KRT8: variants seen among roughly 807,000 people sequenced by gnomAD.
The protein encoded by KRT8 is keratin 8.
Under a neutral mutation model 43.0 loss-of-function variants are expected in KRT8, and 24 were observed. The ratio of observed to expected loss-of-function variants is 0.56; its 90% CI spans 0.40 to 0.78. The LOEUF (loss-of-function observed/expected upper bound fraction) is 0.78. Among genes scored for constraint, KRT8 ranks in the 30% least tolerant of loss-of-function variants. The probability of loss-of-function intolerance (pLI) is 0.00; values close to 1 mark genes in which losing one functional copy is unlikely to be tolerated. For missense variants in KRT8, 492 were observed against 638.4 expected (o/e 0.77, Z 2.47); for synonymous variants, 214 against 261.2 (o/e 0.82, Z 1.74).
intron 2 of KRT8, among the ~76,000 whole-genome samples, chr12:52,918,740 A>T (rs1941827904): frequency 6.6e-6 from 1 of 151,968 alleles, no homozygotes; most frequent in African/African-American, 2.4e-5. Flanking sequence ...TGTTAGCTTG[A>T]CTCTCACCAA....
chr12:52,920,961 AC>A (rs1219493069), intron 2 of KRT8, among the ~76,000 whole-genome samples: 6 of 152,208 alleles, frequency 3.9e-5, no homozygotes, highest in African/African-American at 1.4e-4. Context: ...AAGACCTGCT[AC>A]CCACCACTCT....
intron 2 of KRT8, among the ~76,000 whole-genome samples, chr12:52,912,638 C>G (rs1482250693): frequency 6.6e-6 from 1 of 152,202 alleles, no homozygotes; most frequent in Non-Finnish European, 1.5e-5. Flanking sequence ...GGTGAAAAGA[C>G]GTGGGCAGGG....
chr12:52,935,790 G>A (rs1942161246), intron 2 of KRT8, among the ~76,000 whole-genome samples: 1 of 151,742 alleles, frequency 6.6e-6, no homozygotes, highest in Non-Finnish European at 1.5e-5. Context: ...TTAACGGTGT[G>A]AACCACCGTG....
At chr12:52,905,156 C>T, upstream of KRT8, 1 of 1,274,700 alleles carries the variant, frequency 7.8e-7, no homozygotes. Context: ...CCAGAGGGGG[C>T]TGGGCCTAAC....
At chr12:52,921,492 C>A (rs561705059) in intron 2 of KRT8, among the ~76,000 whole-genome samples, 1 of 152,170 alleles carries the variant, frequency 6.6e-6, no homozygotes, top group Non-Finnish European at 1.5e-5. Flanking sequence ...ACCCCCAGGC[C>A]CCCATGGCCT....
At chr12:52,898,699 C>A in exon 6 of KRT8, 1 of 1,614,250 alleles carries the variant, frequency 6.2e-7, no homozygotes, top group Non-Finnish European at 8.5e-7. Flanking sequence ...CGCCCTCCAG[C>A]AGCTTCCTGT....
upstream of KRT8, among the ~76,000 whole-genome samples, chr12:52,907,594 C>A (rs374185536): frequency 2.0e-5 from 3 of 152,322 alleles, no homozygotes; most frequent in East Asian, 3.9e-4. Flanking sequence ...TTGCCAGGGA[C>A]CCTGCAGTAT....
At chr12:52,925,892 G>A (rs1941979950) in intron 2 of KRT8, among the ~76,000 whole-genome samples, 1 of 152,092 alleles carries the variant, frequency 6.6e-6, no homozygotes, top group Admixed American at 6.6e-5. Context: ...CTCCCCCTCA[G>A]GGCCCATTAC....
At position 52,917,165 on chromosome 12, in the gene KRT8, G is replaced by A. The variant is rs1333144038; in HGVS notation, c.-46-12138C>T. Among the ~76,000 whole-genome samples, 3 of 152,218 alleles carry A rather than the reference G, an allele frequency of 2.0e-5. No individual in the cohort carries two copies. The East Asian group carries it at 5.8e-4, about 29-fold the overall frequency. On this transcript the variant is annotated intron_variant, in intron 2 of 6. Transcript: ENST00000546826. ...AGCACTTTGGGAGGCTGAGGTGGGT[G>A]GATCACTTGAGGTCAGGCTTTCAAG...
exon 2 of KRT8, chr12:52,949,470 G>T (rs760985349): frequency 3.7e-6 from 6 of 1,613,348 alleles, no homozygotes; most frequent in Non-Finnish European, 1.7e-6. Context: ...ACAGAGTGAG[G>T]AGCCTGGAGA....
At chr12:52,911,187 A>C (rs757165043), upstream of KRT8, among the ~76,000 whole-genome samples, 3 of 152,120 alleles carry the variant, frequency 2.0e-5, no homozygotes, top group Non-Finnish European at 4.4e-5. Context: ...CCCCATTTCT[A>C]CTAAAAATAC....
intron 5 of KRT8, among the ~76,000 whole-genome samples, chr12:52,899,158 C>CA (rs1025014290): frequency 3.0e-4 from 45 of 151,958 alleles, no homozygotes; most frequent in South Asian, 1.9e-3. Flanking sequence ...AGTAAAAATA[C>CA]AAAAAAAATT....
At chr12:52,904,627 GCA>G in intron 1 of KRT8, 29 bp downstream of exon 1, 1 of 1,600,818 alleles carries the variant, frequency 6.2e-7, no homozygotes, top group Non-Finnish European at 8.5e-7. Flanking sequence ...GGGGCTGCGG[GCA>G]CAGTCAGCCA....
intron 6 of KRT8, 35 bp from the exon 7 acceptor site, chr12:52,898,554 C>G (rs1247844829): frequency 1.2e-6 from 2 of 1,613,474 alleles, no homozygotes; most frequent in Non-Finnish European, 1.7e-6. Context: ...AGGACCAACT[C>G]CTAGCCCTTC....
chr12:52,918,207 A>AGAAGAAGAG lies in KRT8; in HGVS notation c.-46-13181_-46-13180insCTCTTCTTC, dbSNP rs1394047899. 2.8e-4 allele frequency among the ~76,000 whole-genome samples: 34 copies of AGAAGAAGAG among 121,676 alleles called. 2 individuals carry two copies. Among genetic ancestry groups the AGAAGAAGAG allele is most frequent in the Middle Eastern group, 4.0e-3 (1 of 250 alleles). The allele number at this position is 121,676 out of a possible 152,430, so 79.8% of individuals were successfully genotyped here. A position where few individuals can be genotyped will look rare whatever the true frequency, so the allele number is the denominator to read the frequency against. ...AAGAAGAAGAAGAAGAAGAAGAACA[A>AGAAGAAGAG]GAAGAAGAAGAAGAAGAAGAAGAAG... On this transcript the variant is annotated intron_variant, in intron 2 of 6. Coordinates refer to the KRT8 transcript ENST00000546826.
intron 2 of KRT8, among the ~76,000 whole-genome samples, chr12:52,933,068 C>A (rs938012870): frequency 2.0e-5 from 3 of 152,136 alleles, no homozygotes; most frequent in Non-Finnish European, 4.4e-5. Flanking sequence ...CTCAGCCTCC[C>A]AAGTAGCTGG....
chr12:52,916,983 C>T (rs1941753378), intron 2 of KRT8, among the ~76,000 whole-genome samples: 1 of 152,162 alleles, frequency 6.6e-6, no homozygotes, highest in African/African-American at 2.4e-5. Context: ...GAATAGGGGA[C>T]ATTCATCGGT....
rs778111216 is a variant in KRT8 at position 52,904,887 on chromosome 12, C to G, written c.95G>C (p.Arg32Pro). The change falls in exon 1 of 8, where the codon CGC becomes CCC. Residue 32 changes from arginine (R) to proline (P), a missense_variant. Transcript: ENST00000692008. ...TCGGGAGAAGCTCGAGGAGCTGATG[C>G]GGGAACCGGGCCCACTCGTGTAGGA... is the stretch of plus-strand genomic sequence containing the variant. 3.7e-6 allele frequency: 6 copies of G among 1,612,542 alleles called. No homozygotes were observed. Among genetic ancestry groups the G allele is most frequent in the Non-Finnish European group, 5.1e-6 (6 of 1,179,894 alleles).
At chr12:52,948,211 G>A (rs1942379842) in intron 2 of KRT8, 1 of 152,340 alleles carries the variant, frequency 6.6e-6, no homozygotes, top group Admixed American at 6.5e-5. Flanking sequence ...ACCTCTGTAT[G>A]ATTCGGGTGT....
Sources: allele counts gnomAD v4.1 joint callset (sites outside exome capture counted in the v4.1 genomes callset), GRCh38; gene constraint gnomAD v4.1.1; transcripts MANE v1.5; gene names NCBI Gene and HGNC (gene_info 2026-07-23, HGNC 2026-07-21).